DUSP29: variants seen among roughly 807,000 people sequenced by gnomAD.
DUSP29 encodes the protein dual specificity phosphatase 29.
DUSP29 carries 12 observed loss-of-function variants against 13.5 expected under a neutral mutation model. The observed-to-expected ratio is 0.89, with a 90% CI of 0.57 to 1.44. The LOEUF is 1.44. DUSP29 is among the 40% of genes most tolerant of loss of function. DUSP29 has a pLI of 0.00. For missense variants in DUSP29, 308 were observed against 301.1 expected, an observed-to-expected ratio of 1.02 and a Z score of -0.17; for synonymous variants, 134 against 128.7, an observed-to-expected ratio of 1.04 and a Z score of -0.28.
At chr10:75,068,332 G>A (rs2134307600) in intron 1 of DUSP29, among the ~76,000 whole-genome samples, 1 of 152,128 alleles carries the variant, frequency 6.6e-6, no homozygotes, top group South Asian at 2.1e-4. Flanking sequence ...AAAAATAGCT[G>A]ACCATGGAGG....
At chr10:75,072,617 G>T (rs1589872563) in intron 1 of DUSP29, among the ~76,000 whole-genome samples, 3 of 152,060 alleles carry the variant, frequency 2.0e-5, no homozygotes, top group African/African-American at 4.8e-5. Flanking sequence ...AACAAGGAGG[G>T]ATCACAAGCT....
intron 2 of DUSP29, among the ~76,000 whole-genome samples, chr10:75,046,422 T>A (rs925049026): frequency 6.6e-6 from 1 of 152,196 alleles, no homozygotes; most frequent in Admixed American, 6.5e-5. Context: ...AGTGACCATG[T>A]TAGATGCTAG....
At chr10:75,071,727 C>T (rs1436299093) in intron 1 of DUSP29, among the ~76,000 whole-genome samples, 1 of 152,192 alleles carries the variant, frequency 6.6e-6, no homozygotes, top group Admixed American at 6.5e-5. Flanking sequence ...CTGGCCAGGG[C>T]TCCACCTCCA....
chr10:75,058,998 T>C (rs931259838), intron 1 of DUSP29, among the ~76,000 whole-genome samples: 1 of 152,122 alleles, frequency 6.6e-6, no homozygotes. Context: ...CAGGGAGCCG[T>C]CAGCCAGTGG....
chr10:75,065,424 G>C (rs910471520), intron 1 of DUSP29, among the ~76,000 whole-genome samples: 1 of 152,000 alleles, frequency 6.6e-6, no homozygotes, highest in African/African-American at 2.4e-5. Flanking sequence ...GAGCTCACGG[G>C]TTCAAGCGAT....
intron 1 of DUSP29, among the ~76,000 whole-genome samples, chr10:75,069,880 A>T (rs1346756215): frequency 2.0e-5 from 2 of 98,498 alleles, no homozygotes; most frequent in African/African-American, 6.6e-5. Context: ...TGTCTCTACT[A>T]AAAATACAAA....
intron 2 of DUSP29, among the ~76,000 whole-genome samples, chr10:75,052,044 A>C (rs1032730103): frequency 1.3e-5 from 2 of 152,186 alleles, no homozygotes; most frequent in African/African-American, 2.4e-5. Context: ...TCGATTAGGC[A>C]CAGTTGGATT....
chr10:75,042,172 C>T (rs1846599733), intron 3 of DUSP29, among the ~76,000 whole-genome samples: 1 of 152,230 alleles, frequency 6.6e-6, no homozygotes, highest in South Asian at 2.1e-4. Context: ...CTCATTATAA[C>T]CTCTGAAGGT....
intron 2 of DUSP29, among the ~76,000 whole-genome samples, chr10:75,048,462 GGCTCACT>G (rs1846750479): frequency 6.7e-6 from 1 of 149,994 alleles, no homozygotes; most frequent in Non-Finnish European, 1.5e-5. Flanking sequence ...GCGCAATCTC[GGCTCACT>G]GCTCACTGCA....
chr10:75,067,319 A>C (rs1215903032), intron 1 of DUSP29, among the ~76,000 whole-genome samples: 11 of 152,164 alleles, frequency 7.2e-5, no homozygotes, highest in African/African-American at 2.7e-4. Context: ...CGGCTGGTGC[A>C]AGTGCAGGGT....
chr10:75,039,341 A>C (rs1846537088), intron 3 of DUSP29, among the ~76,000 whole-genome samples: 1 of 152,160 alleles, frequency 6.6e-6, no homozygotes, highest in African/African-American at 2.4e-5. Flanking sequence ...CCTGGCCAAC[A>C]TGGCAAAACT....
chr10:75,066,664 C>T lies in DUSP29; in HGVS notation c.-35+6905G>A, dbSNP rs181755433. On this transcript the variant is annotated intron_variant, in intron 1 of 3. Coordinates refer to ENST00000338487, the MANE Select transcript of DUSP29 (RefSeq NM_001003892.3). ...ATGAAAGTTCTATTTTAGAAGTGTT[C>T]TGCACGGAGTAGAAGCTCACCCAAA... Among the ~76,000 whole-genome samples, 15 of 152,260 alleles carry T rather than the reference C, an allele frequency of 9.9e-5. No individual in the cohort carries two copies. The East Asian group carries it at 2.9e-3, about 29-fold the overall frequency.
chr10:75,073,018 C>T (rs1414412624), intron 1 of DUSP29, among the ~76,000 whole-genome samples: 1 of 151,646 alleles, frequency 6.6e-6, no homozygotes, highest in Non-Finnish European at 1.5e-5. Context: ...ACCACGGCAG[C>T]GTCATCCCCA....
intron 1 of DUSP29, among the ~76,000 whole-genome samples, chr10:75,067,226 C>G (rs1006135298): frequency 6.6e-6 from 1 of 152,108 alleles, no homozygotes; most frequent in Non-Finnish European, 1.5e-5. Context: ...TTCCAGAGTG[C>G]TGGGATTACA....
intron 1 of DUSP29, among the ~76,000 whole-genome samples, chr10:75,065,215 A>G (rs1212370869): frequency 1.3e-5 from 2 of 152,230 alleles, no homozygotes; most frequent in Non-Finnish European, 2.9e-5. Context: ...TTGCTTGCTA[A>G]GGTGGCAGAT....
intron 2 of DUSP29, among the ~76,000 whole-genome samples, 181 bp downstream of exon 2, chr10:75,058,134 T>A (rs1847002738): frequency 1.3e-5 from 2 of 152,156 alleles, no homozygotes; most frequent in African/African-American, 4.8e-5. Context: ...GAAATAAACC[T>A]CTATCTTGCC....
At chr10:75,040,938 G>A (rs957873615) in intron 3 of DUSP29, among the ~76,000 whole-genome samples, 7 of 152,186 alleles carry the variant, frequency 4.6e-5, no homozygotes, top group South Asian at 2.1e-4. Flanking sequence ...CACAAGGAAC[G>A]CTTTTCAAAA....
chr10:75,039,675 A>C (rs528735311), intron 3 of DUSP29, among the ~76,000 whole-genome samples: 11 of 152,314 alleles, frequency 7.2e-5, no homozygotes, highest in Admixed American at 4.6e-4. Flanking sequence ...CTTGCTAAGC[A>C]GACTCCTTCC....
At position 75,037,803 on chromosome 10, in the gene DUSP29, C is replaced by T; in HGVS notation, c.*33G>A. ...CTATGTTCTGCCTCTCCCCTCTGTC[C>T]CCAAGTGCCTCTGCTGGCCCTGTGA... is the stretch of plus-strand genomic sequence containing the variant. On this transcript the variant is annotated 3_prime_UTR_variant, in exon 4 of 4. Transcript: ENST00000338487. 3.2e-6 allele frequency: 5 copies of T among 1,581,554 alleles called. No individual in the cohort carries two copies. The highest frequency in any genetic ancestry group is 4.3e-6 in the Non-Finnish European group (5 of 1,164,774).
Sources: gnomAD v4.1 joint callset for allele counts (sites outside exome capture counted in the v4.1 genomes callset) on GRCh38, gnomAD v4.1.1 for gene constraint, MANE v1.5 for transcripts, NCBI Gene and HGNC (gene_info 2026-07-23, HGNC 2026-07-21) for gene names.